The following RAF1 variants were observed in gnomAD, a reference collection of about 807,000 sequenced individuals.
RAF1 encodes Raf-1 proto-oncogene, serine/threonine kinase.
Under a neutral mutation model 81.1 loss-of-function variants are expected in RAF1, and 27 were observed. The observed-to-expected ratio is 0.33, with a 90% CI of 0.25 to 0.46. RAF1 has a LOEUF of 0.46. RAF1 is among the 20% of genes least tolerant of loss of function. The probability of loss-of-function intolerance (pLI) is 1.00; values close to 1 mark genes in which losing one functional copy is unlikely to be tolerated. For missense variants in RAF1, 598 were observed against 826.0 expected, an observed-to-expected ratio of 0.72 and a Z score of 3.38; for synonymous variants, 298 against 294.0, an observed-to-expected ratio of 1.01 and a Z score of -0.14.
chr3:12,618,017 A>C (rs2059431619), intron 2 of RAF1, among the ~76,000 whole-genome samples: 1 of 152,206 alleles, frequency 6.6e-6, no homozygotes. Flanking sequence ...GGCTGGTGTC[A>C]GTGCCCTGAA....
At chr3:12,642,671 TACACACAC>T (rs71063856) in intron 1 of RAF1, among the ~76,000 whole-genome samples, 1,323 of 117,056 alleles carry the variant, frequency 0.011, 31 homozygotes, top group African/African-American at 0.033. Flanking sequence ...ACACCATCTC[TACACACAC>T]ACACACACAC....
chr3:12,599,658 C>G (rs1415149401), intron 11 of RAF1, 33 bp downstream of exon 10: 2 of 1,556,320 alleles, frequency 1.3e-6, no homozygotes, highest in African/African-American at 1.4e-5. Context: ...CACCAAAGCC[C>G]TGCAGTTAGT....
In RAF1 at chr3:12,647,078, C is replaced by T. The variant is rs547228529; in HGVS notation, c.-27+16735G>A. On this transcript the variant is annotated intron_variant, in intron 1 of 17. Coordinates refer to ENST00000442415, the MANE Select transcript of RAF1 (RefSeq NM_001354689.3). ...TTGGGAGGCCGAGGCGGGCAGATCACGAGGTCAGGAGATCGAGACCATCCT... is the reference window on the plus strand; with the variant it reads ...TTGGGAGGCCGAGGCGGGCAGATCATGAGGTCAGGAGATCGAGACCATCCT... Among the ~76,000 whole-genome samples, 24 of 150,910 alleles carry T rather than the reference C, an allele frequency of 1.6e-4. No individual in the cohort carries two copies. In the East Asian group the frequency reaches 4.6e-3, roughly 29 times the overall value.
At chr3:12,603,359 A>G in intron 8 of RAF1, 1 of 547,682 alleles carries the variant, frequency 1.8e-6, no homozygotes, top group East Asian at 2.8e-5. Flanking sequence ...ACATGGAAAC[A>G]AGTGACAAGA....
At chr3:12,587,836 C>CTTTTTT in intron 13 of RAF1, 199 bp from the exon 13 acceptor site, 1 of 236,148 alleles carries the variant, frequency 4.2e-6, no homozygotes, top group Admixed American at 6.4e-5. Flanking sequence ...CATGCTTACA[C>CTTTTTT]CTTTTTTTTT....
chr3:12,656,645 A>G (rs916552392), intron 1 of RAF1, among the ~76,000 whole-genome samples: 1 of 152,216 alleles, frequency 6.6e-6, no homozygotes. Flanking sequence ...CACTGGAAAT[A>G]TATAGGCAAG....
chr3:12,591,040 C>A (rs2058499903), intron 12 of RAF1, 66 bp from the exon 12 acceptor site: 1 of 1,450,056 alleles, frequency 6.9e-7, no homozygotes. Flanking sequence ...ACTGTGCTTT[C>A]CCGTGGACAG....
At chr3:12,634,732 G>A (rs930081869) in intron 1 of RAF1, among the ~76,000 whole-genome samples, 1 of 152,122 alleles carries the variant, frequency 6.6e-6, no homozygotes, top group Non-Finnish European at 1.5e-5. Flanking sequence ...CAGAGAGAGG[G>A]AAGGAGTAAC....
At chr3:12,596,404 G>A (rs867782115) in intron 11 of RAF1, among the ~76,000 whole-genome samples, 22 of 152,110 alleles carry the variant, frequency 1.4e-4, no homozygotes, top group African/African-American at 3.6e-4. Flanking sequence ...ATGTCGGTCA[G>A]GCTGGTCTTG....
At chr3:12,645,097 CAAAAAAAAAA>C (rs11401342) in intron 1 of RAF1, among the ~76,000 whole-genome samples, 3 of 65,060 alleles carry the variant, frequency 4.6e-5, no homozygotes, top group Non-Finnish European at 9.8e-5. Flanking sequence ...GACTCAGTCT[CAAAAAAAAAA>C]AAAAAAAAAA....
chr3:12,663,768 G>A (rs1051357751), intron 1 of RAF1, 45 bp downstream of exon 1: 77 of 395,822 alleles, frequency 1.9e-4, no homozygotes, highest in Non-Finnish European at 1.7e-4. Context: ...CCTCAGCCCC[G>A]CCGCCCGGCT....
At chr3:12,608,731 C>T (rs2059116181) in intron 5 of RAF1, 35 bp downstream of exon 5, 2 of 1,605,010 alleles carry the variant, frequency 1.2e-6, no homozygotes, top group South Asian at 1.1e-5. Context: ...TACTCCTCAT[C>T]CCTATCTTCC....
intron 1 of RAF1, among the ~76,000 whole-genome samples, chr3:12,640,121 G>A (rs1352188191): frequency 6.6e-6 from 1 of 152,142 alleles, no homozygotes; most frequent in East Asian, 1.9e-4. Context: ...AATGGGGAAA[G>A]GATTCCCTAT....
intron 14 of RAF1, among the ~76,000 whole-genome samples, chr3:12,586,157 T>C (rs1450363433): frequency 6.6e-6 from 1 of 152,164 alleles, no homozygotes; most frequent in Non-Finnish European, 1.5e-5. Context: ...GAGGCCACAC[T>C]CCAGTGCTCC....
chr3:12,630,531 G>A (rs2059830190), intron 1 of RAF1, among the ~76,000 whole-genome samples: 1 of 152,166 alleles, frequency 6.6e-6, no homozygotes, highest in South Asian at 2.1e-4. Flanking sequence ...AGGTCTCAAC[G>A]AAGAGGTAAC....
intron 1 of RAF1, among the ~76,000 whole-genome samples, chr3:12,643,054 G>A (rs1195367125): frequency 6.6e-6 from 1 of 152,086 alleles, no homozygotes; most frequent in South Asian, 2.1e-4. Flanking sequence ...ATTCTTTCAA[G>A]AAGTAAGATC....
At chr3:12,624,366 A>G (rs577700147) in intron 1 of RAF1, among the ~76,000 whole-genome samples, 16 of 152,206 alleles carry the variant, frequency 1.1e-4, no homozygotes, top group Non-Finnish European at 2.2e-4. Flanking sequence ...TCTGAAAACA[A>G]GGAGGAAAAA....
At chr3:12,614,125 T>C (rs557070082) in intron 2 of RAF1, among the ~76,000 whole-genome samples, 2 of 152,160 alleles carry the variant, frequency 1.3e-5, no homozygotes, top group Non-Finnish European at 2.9e-5. Context: ...TAGATAAAGA[T>C]TGATCATAAG....
intron 3 of RAF1, 34 bp downstream of exon 3, chr3:12,611,916 G>C (rs779939612): frequency 1.4e-6 from 2 of 1,475,720 alleles, no homozygotes; most frequent in South Asian, 1.1e-5. Flanking sequence ...ATCCTTACTA[G>C]TCTGAAGAAG....
Sources: gnomAD v4.1 joint callset for allele counts (sites outside exome capture counted in the v4.1 genomes callset) on GRCh38, gnomAD v4.1.1 for gene constraint, MANE v1.5 for transcripts, NCBI Gene and HGNC (gene_info 2026-07-23, HGNC 2026-07-21) for gene names.